Variants in ADGRG1 observed in about 807,000 individuals in gnomAD.
ADGRG1 encodes the protein 7-transmembrane protein with no EGF-like N-terminal domains-1.
In ADGRG1, 53 loss-of-function variants were observed where a neutral mutation model predicts 73.5. The ratio of observed to expected loss-of-function variants is 0.72; its 90% confidence interval spans 0.58 to 0.91. The LOEUF is 0.91. ADGRG1 is among the 40% of genes least tolerant of loss of function. The pLI is 0.00. For synonymous variants in ADGRG1, 394 were observed against 374.4 expected, an observed-to-expected ratio of 1.05 and a Z score of -0.60; for missense variants, 795 against 871.8, an observed-to-expected ratio of 0.91 and a Z score of 1.11.
chr16:57,656,377 A>C, intron 8 of ADGRG1, 106 bp downstream of exon 8: 1 of 1,610,842 alleles, frequency 6.2e-7, no homozygotes, highest in Non-Finnish European at 8.5e-7. Context: ...TGGAGAAAGG[A>C]GGACTTTGAA....
At chr16:57,653,099 G>T in intron 3 of ADGRG1, 104 bp from the exon 4 acceptor site, 1 of 1,590,826 alleles carries the variant, frequency 6.3e-7, no homozygotes, top group Non-Finnish European at 8.5e-7. Context: ...GTAAAGTAAA[G>T]ATCGAGGCAT....
upstream of ADGRG1, chr16:57,622,979 G>A (rs2035155755): frequency 1.0e-6 from 1 of 985,350 alleles, no homozygotes; most frequent in African/African-American, 1.7e-5. Context: ...CTGGCTCAAG[G>A]CCATTTCTTG....
chr16:57,650,447 G>A (rs1002352961), intron 2 of ADGRG1, 96 bp downstream of exon 2: 26 of 1,605,366 alleles, frequency 1.6e-5, no homozygotes, highest in Non-Finnish European at 2.0e-5. Flanking sequence ...ACTCCTTTAG[G>A]CAGTTACAGC....
intron 1 of ADGRG1, chr16:57,639,749 CT>C: frequency 1.2e-6 from 1 of 840,700 alleles, no homozygotes; most frequent in Non-Finnish European, 1.4e-6. Context: ...CGCTTCTCCC[CT>C]GTCTTCCTCC....
intron 3 of ADGRG1, among the ~76,000 whole-genome samples, chr16:57,652,503 G>C (rs566526844): frequency 6.6e-6 from 1 of 152,324 alleles, no homozygotes; most frequent in African/African-American, 2.4e-5. Flanking sequence ...CGCAACCTGG[G>C]AGGATTTAGG....
Position 57,664,655 on chromosome 16 carries a change from A to G in ADGRG1, c.*1073A>G, listed in dbSNP as rs1338794301. 6.6e-6 allele frequency: 1 copy of G among 152,562 alleles called. No individual in the cohort carries two copies. The highest frequency in any genetic ancestry group is 2.1e-4 in the South Asian group (1 of 4,834). 9.5% of individuals were successfully genotyped at this position (152,562 alleles called of 1,614,324 possible). A position where few individuals can be genotyped will look rare whatever the true frequency, so the allele number is the denominator to read the frequency against. On this transcript the variant is annotated 3_prime_UTR_variant, in exon 14 of 14. Transcript: ENST00000562631. ...TAGCTCCAGGCGCCCTCGGCCGCCC[A>G]TCATGGTTAATTCTGTCCAACAAAC...
chr16:57,661,575 A>G, intron 12 of ADGRG1, 122 bp from the exon 13 acceptor site: 1 of 1,518,668 alleles, frequency 6.6e-7, no homozygotes. Context: ...CAACACTGTA[A>G]ATAGAAAACA....
At chr16:57,626,854 C>A, upstream of ADGRG1, 1 of 976,372 alleles carries the variant, frequency 1.0e-6, no homozygotes, top group Non-Finnish European at 1.2e-6. Flanking sequence ...GGTGGTATGT[C>A]AGGGACAACC....
At chr16:57,657,526 C>T (rs771328392) in intron 10 of ADGRG1, 35 bp downstream of exon 10, 2 of 1,468,070 alleles carry the variant, frequency 1.4e-6, no homozygotes, top group Admixed American at 1.7e-5. Flanking sequence ...GGGGAGGGGA[C>T]CCTCCATTGC....
chr16:57,636,495 T>TGC, intron 1 of ADGRG1: 1 of 985,360 alleles, frequency 1.0e-6, no homozygotes, highest in Non-Finnish European at 1.2e-6. Context: ...GAGGTGTGTG[T>TGC]GCTCCTGATC....
upstream of ADGRG1, chr16:57,625,800 C>G (rs2035727239): frequency 3.4e-6 from 1 of 294,738 alleles, no homozygotes; most frequent in Admixed American, 6.5e-5. Context: ...CAAAATCTTC[C>G]AGAATCTGCC....
In ADGRG1 at chr16:57,642,430, G is replaced by A. The variant is rs185454678; in HGVS notation, c.-35-7823G>A. 1,272 of 985,370 alleles carry A rather than the reference G, an allele frequency of 1.3e-3. 3 individuals carry two copies. Among genetic ancestry groups the A allele is most frequent in the Non-Finnish European group, 1.5e-3 (1,214 of 829,884 alleles). 61.0% of individuals were successfully genotyped at this position (985,370 alleles called of 1,614,324 possible). ...ACAGCTCAAAGGGGAAGGGAGGGGAGGGGGCTGGAGGTGCTGGCAGGCTTC... is the reference window on the plus strand; with the variant it reads ...ACAGCTCAAAGGGGAAGGGAGGGGAAGGGGCTGGAGGTGCTGGCAGGCTTC... On this transcript the variant is annotated intron_variant, in intron 1 of 13. Transcript: ENST00000562631.
At chr16:57,655,606 A>T in intron 6 of ADGRG1, 76 bp downstream of exon 6, 1 of 1,606,848 alleles carries the variant, frequency 6.2e-7, no homozygotes, top group Non-Finnish European at 8.5e-7. Flanking sequence ...AGGCACGCAG[A>T]TGAGCTCCTT....
At chr16:57,646,838 A>T (rs879924629) in intron 1 of ADGRG1, 161 of 826,226 alleles carry the variant, frequency 1.9e-4, no homozygotes, top group Non-Finnish European at 2.3e-4. Flanking sequence ...CGTGGATGTC[A>T]CCACTAACAT....
chr16:57,631,888 G>A, intron 1 of ADGRG1: 1 of 947,100 alleles, frequency 1.1e-6, no homozygotes, highest in Admixed American at 6.2e-5. Context: ...GGTCTGGACT[G>A]CTGGGTAGAG....
Position 57,657,423 on chromosome 16 carries a change from C to T in ADGRG1, c.1218C>T (p.Leu406=). 1.2e-6 allele frequency: 2 copies of T among 1,614,188 alleles called. No homozygotes were observed. The highest frequency in any genetic ancestry group is 8.5e-7 in the Non-Finnish European group (1 of 1,180,010). ...TGCACAAGCACTACCTGAGCCTCCT[C>T]TCCTACGTGGGCTGTGTCGTCTCTG... ...DAVHKHYLSL[L]SYVGCVVSAL... The change falls in exon 10 of 14, where the codon CTC becomes CTT. Residue 406 remains leucine, a synonymous_variant. Transcript: ENST00000562631.
intron 1 of ADGRG1, among the ~76,000 whole-genome samples, chr16:57,644,762 C>G (rs1264837588): frequency 6.9e-6 from 1 of 144,268 alleles, no homozygotes; most frequent in Admixed American, 6.9e-5. Context: ...GGGCACACAC[C>G]CATGCACACA....
At chr16:57,657,753 T>C (rs184487235) in intron 10 of ADGRG1, among the ~76,000 whole-genome samples, 39 of 152,218 alleles carry the variant, frequency 2.6e-4, no homozygotes, top group South Asian at 8.3e-4. Flanking sequence ...TTATTATTAT[T>C]TTTTTGAGAC....
At chr16:57,642,526 C>A in intron 1 of ADGRG1, 1 of 979,200 alleles carries the variant, frequency 1.0e-6, no homozygotes, top group Non-Finnish European at 1.2e-6. Context: ...AAAGGCTCTA[C>A]CTTCACGTTG....
Sources: gnomAD v4.1 joint callset for allele counts (sites outside exome capture counted in the v4.1 genomes callset) on GRCh38, gnomAD v4.1.1 for gene constraint, MANE v1.5 for transcripts, NCBI Gene and HGNC (gene_info 2026-07-23, HGNC 2026-07-21) for gene names.